The following SORCS1 variants were observed in gnomAD, a reference collection of about 807,000 sequenced individuals.
The protein encoded by SORCS1 is VPS10 domain-containing receptor SorCS1.
A neutral mutation model predicts 146.1 loss-of-function variants in SORCS1; 60 were observed. The ratio of observed to expected loss-of-function variants is 0.41; its 90% CI spans 0.33 to 0.51. The LOEUF is 0.51. Ranked by LOEUF, SORCS1 falls within the 20% of genes least tolerant of loss-of-function variation. SORCS1 has a pLI of 0.21. For missense variants in SORCS1, 1,352 were observed against 1,487.6 expected (o/e 0.91, Z 1.50); for synonymous variants, 637 against 584.0 (o/e 1.09, Z -1.31).
At chr10:106,799,779 G>A (rs1032227890) in intron 3 of SORCS1, among the ~76,000 whole-genome samples, 3 of 152,178 alleles carry the variant, frequency 2.0e-5, no homozygotes, top group Non-Finnish European at 4.4e-5. Context: ...TTCCACTGTT[G>A]GTGGGACTGT....
intron 10 of SORCS1, among the ~76,000 whole-genome samples, chr10:106,680,370 A>C (rs1474256601): frequency 6.6e-6 from 1 of 152,206 alleles, no homozygotes; most frequent in Non-Finnish European, 1.5e-5. Context: ...TTGAAAAAGT[A>C]GGTTGGCATC....
chr10:106,749,703 G>A (rs1858003752), intron 5 of SORCS1, among the ~76,000 whole-genome samples: 1 of 152,154 alleles, frequency 6.6e-6, no homozygotes, highest in Non-Finnish European at 1.5e-5. Context: ...GAATCAAAAT[G>A]AGATTGCCAC....
At chr10:106,738,575 G>T (rs765759308) in intron 5 of SORCS1, among the ~76,000 whole-genome samples, 1 of 152,212 alleles carries the variant, frequency 6.6e-6, no homozygotes, top group African/African-American at 2.4e-5. Context: ...GAGATCCTGC[G>T]TGGGGCCAGA....
At chr10:106,995,346 G>A (rs1223300244) in intron 1 of SORCS1, among the ~76,000 whole-genome samples, 5 of 151,510 alleles carry the variant, frequency 3.3e-5, no homozygotes, top group African/African-American at 1.2e-4. Context: ...CAGGGTAACA[G>A]AGAATAGAAG....
At chr10:106,926,259 C>T (rs1381815990) in intron 2 of SORCS1, among the ~76,000 whole-genome samples, 2 of 152,048 alleles carry the variant, frequency 1.3e-5, no homozygotes, top group Non-Finnish European at 2.9e-5. Flanking sequence ...AAAGTAAATC[C>T]ATACAAGCCA....
chr10:106,695,851 G>A (rs931137896), intron 9 of SORCS1, among the ~76,000 whole-genome samples: 1 of 152,112 alleles, frequency 6.6e-6, no homozygotes, highest in Non-Finnish European at 1.5e-5. Flanking sequence ...CATACAAGCT[G>A]TACCCTCAAC....
At chr10:107,053,716 G>A (rs143543709) in intron 1 of SORCS1, among the ~76,000 whole-genome samples, 5 of 152,228 alleles carry the variant, frequency 3.3e-5, no homozygotes, top group South Asian at 4.1e-4. Context: ...AGCAAAATAC[G>A]TTTCATTATA....
intron 24 of SORCS1, among the ~76,000 whole-genome samples, chr10:106,591,371 A>G (rs898990060): frequency 3.3e-5 from 5 of 152,328 alleles, no homozygotes; most frequent in Non-Finnish European, 5.9e-5. Flanking sequence ...AAAAAAAAAT[A>G]CAAAGATTCC....
chr10:107,140,174 T>C (rs1967693904), intron 1 of SORCS1, among the ~76,000 whole-genome samples: 2 of 152,246 alleles, frequency 1.3e-5, no homozygotes, highest in Admixed American at 1.3e-4. Flanking sequence ...TGTATATTTA[T>C]GTTTATGTGA....
chr10:107,080,296 C>T (rs934380246), intron 1 of SORCS1, among the ~76,000 whole-genome samples: 14 of 152,150 alleles, frequency 9.2e-5, no homozygotes, highest in Admixed American at 7.2e-4. Flanking sequence ...TTATGTTCCC[C>T]TGCATTAAAT....
intron 1 of SORCS1, among the ~76,000 whole-genome samples, chr10:107,046,871 G>A (rs1449530724): frequency 1.3e-5 from 2 of 152,300 alleles, no homozygotes; most frequent in South Asian, 2.1e-4. Flanking sequence ...AGCAAAGAAG[G>A]CTTGGTATTT....
At chr10:106,990,782 G>GT (rs1483252571) in intron 1 of SORCS1, among the ~76,000 whole-genome samples, 1 of 152,156 alleles carries the variant, frequency 6.6e-6, no homozygotes, top group African/African-American at 2.4e-5. Flanking sequence ...CTGAAAAATT[G>GT]TGAGTACACT....
At chr10:106,931,684 G>A (rs1009474541) in intron 2 of SORCS1, among the ~76,000 whole-genome samples, 2 of 152,164 alleles carry the variant, frequency 1.3e-5, no homozygotes, top group African/African-American at 4.8e-5. Context: ...AATGATTTTG[G>A]TTTAAGAACA....
chr10:107,050,685 A>T (rs1032303359), intron 1 of SORCS1, among the ~76,000 whole-genome samples: 8 of 152,214 alleles, frequency 5.3e-5, no homozygotes, highest in African/African-American at 1.9e-4. Flanking sequence ...AAATGGATCA[A>T]TGGACACTTC....
At chr10:106,978,101 A>C (rs899780087) in intron 1 of SORCS1, among the ~76,000 whole-genome samples, 12 of 152,020 alleles carry the variant, frequency 7.9e-5, no homozygotes, top group African/African-American at 2.4e-4. Flanking sequence ...CCACCATCAC[A>C]TCCGGCTGTT....
At chr10:106,643,639 C>T (rs1053495661) in intron 18 of SORCS1, among the ~76,000 whole-genome samples, 2 of 152,262 alleles carry the variant, frequency 1.3e-5, no homozygotes, top group Non-Finnish European at 2.9e-5. Context: ...TTTGCCCACT[C>T]AAGTGGAGTG....
At chr10:106,623,894 G>A (rs931882105) in intron 19 of SORCS1, among the ~76,000 whole-genome samples, 1 of 152,032 alleles carries the variant, frequency 6.6e-6, no homozygotes, top group African/African-American at 2.4e-5. Flanking sequence ...ATGTTGGCCA[G>A]GCTGGTCTCG....
At chr10:106,900,928 A>C (rs989753064) in intron 2 of SORCS1, among the ~76,000 whole-genome samples, 3 of 152,046 alleles carry the variant, frequency 2.0e-5, no homozygotes, top group Non-Finnish European at 2.9e-5. Flanking sequence ...TCTATCATAA[A>C]CTTGTCTGCA....
At position 106,706,937 on chromosome 10, in the gene SORCS1, T is replaced by A. The variant is rs77423002; in HGVS notation, c.1144-303A>T. ...AATGGGGTACATTGGCTGATTGCCA[T>A]CACCAGCCCAGGTCTCTAGACCCAA... On this transcript the variant is annotated intron_variant, in intron 7 of 25. Transcript: ENST00000263054. Among the ~76,000 whole-genome samples the A allele has an allele frequency of 1.9e-4, 29 of 152,300 alleles. No individual in the cohort carries two copies. In the East Asian group the frequency reaches 5.2e-3, roughly 27 times the overall value.
Sources: allele counts gnomAD v4.1 joint callset (sites outside exome capture counted in the v4.1 genomes callset), GRCh38; gene constraint gnomAD v4.1.1; transcripts MANE v1.5; gene names NCBI Gene and HGNC (gene_info 2026-07-23, HGNC 2026-07-21).